The following PCDHGB3 variants were observed in gnomAD, a reference collection of about 807,000 sequenced individuals.
The protein encoded by PCDHGB3 is protocadherin gamma subfamily B, 3.
A neutral mutation model predicts 59.2 loss-of-function variants in PCDHGB3; 40 were observed. The ratio of observed to expected loss-of-function variants is 0.68; its 90% confidence interval spans 0.52 to 0.88. The LOEUF (loss-of-function observed/expected upper bound fraction) is 0.88. Among genes scored for constraint, PCDHGB3 ranks in the 40% least tolerant of loss-of-function variants. The pLI is 0.00. For synonymous variants in PCDHGB3, 581 were observed against 503.6 expected (o/e 1.15, Z -2.06); for missense variants, 1,309 against 1,187.9 (o/e 1.10, Z -1.50).
intron 1 of PCDHGB3, chr5:141,409,877 G>A: frequency 6.2e-7 from 1 of 1,612,860 alleles, no homozygotes; most frequent in Non-Finnish European, 8.5e-7. Context: ...CAATGACAAC[G>A]CACCGCGGGT....
rs2097527384 is a variant in PCDHGB3 at position 141,432,674 on chromosome 5, A to G, written c.2415+59865A>G. 2 of 1,613,856 alleles carry G rather than the reference A, an allele frequency of 1.2e-6. No homozygotes were observed. The highest frequency in any genetic ancestry group is 4.5e-5 in the East Asian group (2 of 44,840). On this transcript the variant is annotated intron_variant, in intron 1 of 3. Coordinates refer to ENST00000576222, the MANE Select transcript of PCDHGB3 (RefSeq NM_018924.5). The surrounding 1 kb of genome is among the most constrained non-coding windows in gnomAD (Gnocchi z 6.0). ...AGCCCTGCTGGACAGAGACGCGCTCAAGCAGAGCCTCGTAGTGGCCGTCCA... is the reference window on the plus strand; with the variant it reads ...AGCCCTGCTGGACAGAGACGCGCTCGAGCAGAGCCTCGTAGTGGCCGTCCA...
intron 1 of PCDHGB3, among the ~76,000 whole-genome samples, chr5:141,459,544 T>G (rs772982634): frequency 6.6e-6 from 1 of 152,246 alleles, no homozygotes; most frequent in Non-Finnish European, 1.5e-5. Flanking sequence ...TTTTTTTTAT[T>G]TCTCTTGGAT....
At chr5:141,388,568 ACACG>A in intron 1 of PCDHGB3, 1 of 1,613,888 alleles carries the variant, frequency 6.2e-7, no homozygotes, top group Non-Finnish European at 8.5e-7. Context: ...CTGCACAGAT[ACACG>A]TTCTAGTGAC....
At chr5:141,464,024 G>A (rs2099074308) in intron 1 of PCDHGB3, among the ~76,000 whole-genome samples, 1 of 151,996 alleles carries the variant, frequency 6.6e-6, no homozygotes, top group East Asian at 1.9e-4. Context: ...CCACACTTTG[G>A]GAGGCCAAGG....
chr5:141,378,596 C>T (rs866872764), intron 1 of PCDHGB3: 2 of 152,150 alleles, frequency 1.3e-5, no homozygotes, highest in Non-Finnish European at 2.9e-5. Context: ...TGTCTGCTTA[C>T]AGGACATATC....
Position 141,431,962 on chromosome 5 carries a change from C to G in PCDHGB3, c.2415+59153C>G. 1.2e-6 allele frequency: 2 copies of G among 1,614,190 alleles called. No homozygotes were observed. Among genetic ancestry groups the G allele is most frequent in the South Asian group, 2.2e-5 (2 of 91,086 alleles). ...AATTAGAAAAATCTTACGGAAATTACTATAGTTTAGTCACAGACATAGTCT... is the reference window on the plus strand; with the variant it reads ...AATTAGAAAAATCTTACGGAAATTAGTATAGTTTAGTCACAGACATAGTCT... On this transcript the variant is annotated intron_variant, in intron 1 of 3. Transcript: ENST00000576222. The surrounding 1 kb of genome is among the most constrained non-coding windows in gnomAD (Gnocchi z 4.8).
rs2099396190 is a variant in PCDHGB3 at position 141,476,685 on chromosome 5, G to A, written c.2416-18122G>A. On this transcript the variant is annotated intron_variant, in intron 1 of 3. Coordinates refer to ENST00000576222, the MANE Select transcript of PCDHGB3 (RefSeq NM_018924.5). This position sits in a 1 kb window ranked among gnomAD's most constrained non-coding sequence, Gnocchi z 7.6. ...CTTCGCGTGCAGACGCGGGAGGACA[G>A]CACCAAGTACGCGGAGCTGGTGTTG... 3.1e-6 allele frequency: 5 copies of A among 1,614,102 alleles called. No homozygotes were observed.
chr5:141,376,559 C>G (rs758448085), intron 1 of PCDHGB3: 8 of 1,609,380 alleles, frequency 5.0e-6, no homozygotes, highest in Admixed American at 3.4e-5. Context: ...TCCCGCAACC[C>G]AACTAATCAG....
At chr5:141,419,656 G>A (rs1374057056) in intron 1 of PCDHGB3, 15 of 1,612,528 alleles carry the variant, frequency 9.3e-6, no homozygotes, top group Non-Finnish European at 8.5e-6. Context: ...CGGACTCGGG[G>A]CACAATGCCT....
At position 141,389,758 on chromosome 5, in the gene PCDHGB3, G is replaced by T. The variant is rs201153580; in HGVS notation, c.2415+16949G>T. On this transcript the variant is annotated intron_variant, in intron 1 of 3. Transcript: ENST00000576222. Reference sequence around the variant, plus strand: ...CTGGGGCTGCGCACGGGCGAAGTGCGCACAGCGCGTGCCTTAGGCGACAGG... The same window carrying T: ...CTGGGGCTGCGCACGGGCGAAGTGCTCACAGCGCGTGCCTTAGGCGACAGG... The T allele has an allele frequency of 1.4e-4, 224 of 1,612,792 alleles. No homozygotes were observed. The African/African-American group carries it at 2.7e-3, about 19-fold the overall frequency.
intron 1 of PCDHGB3, among the ~76,000 whole-genome samples, chr5:141,453,643 T>G (rs1267570786): frequency 2.6e-5 from 4 of 152,240 alleles, no homozygotes; most frequent in Non-Finnish European, 5.9e-5. Flanking sequence ...TATATTTTCT[T>G]ATGTCCTCTT....
chr5:141,400,590 T>A, intron 1 of PCDHGB3: 3 of 1,604,846 alleles, frequency 1.9e-6, no homozygotes, highest in Non-Finnish European at 2.6e-6. Context: ...CATGAAACTA[T>A]CGTACATTTT....
intron 1 of PCDHGB3, chr5:141,441,731 C>G: frequency 2.8e-6 from 1 of 362,226 alleles, no homozygotes; most frequent in South Asian, 2.2e-5. Context: ...GCGACCAGGA[C>G]TAGCTCGCGC....
chr5:141,372,311 C>T lies in PCDHGB3; in HGVS notation c.1917C>T (p.Arg639=), dbSNP rs1768644192. The T allele has an allele frequency of 1.2e-6, 2 of 1,613,416 alleles. No homozygotes were observed. The highest frequency in any genetic ancestry group is 2.2e-5 in the South Asian group (2 of 91,096). Residue 639 remains arginine (R), a synonymous_variant, in exon 1 of 4, where the codon CGC becomes CGT. Coordinates refer to ENST00000576222, the MANE Select transcript of PCDHGB3 (RefSeq NM_018924.5). ...ARTLGDREAA[R]QRLLVTVRDG... ...CCTTGGGCGACAGGGAGGCCGCCCG[C>T]CAGCGCCTGCTGGTCACTGTGCGTG...
At chr5:141,492,954 A>G (rs2099745299) in intron 1 of PCDHGB3, among the ~76,000 whole-genome samples, 1 of 152,212 alleles carries the variant, frequency 6.6e-6, no homozygotes, top group Non-Finnish European at 1.5e-5. Context: ...TGACCAAACT[A>G]TCTGACACTC....
chr5:141,376,437 A>C (rs375879976), intron 1 of PCDHGB3: 1 of 1,614,086 alleles, frequency 6.2e-7, no homozygotes, highest in South Asian at 1.1e-5. Flanking sequence ...CAGGAGAGCT[A>C]TGAGAAAAGC....
rs772962568 is a variant in PCDHGB3, at chr5:141,476,311, G to A, written c.2416-18496G>A. The stretch of plus-strand genomic sequence containing the variant: ...ATCTCGGTAGCCTCTCAGCCCGCAG[G>A]TTCCGGGTGGTGTCTGGAGCTAGCC... On this transcript the variant is annotated intron_variant, in intron 1 of 3. Transcript: ENST00000576222. The surrounding 1 kb of genome is among the most constrained non-coding windows in gnomAD (Gnocchi z 7.6). 13 of 1,613,680 alleles carry A rather than the reference G, an allele frequency of 8.1e-6. No individual in the cohort carries two copies. The African/African-American group carries it at 1.5e-4, about 18-fold the overall frequency.
intron 1 of PCDHGB3, among the ~76,000 whole-genome samples, chr5:141,469,212 G>A (rs114294512): frequency 0.021 from 3,174 of 151,360 alleles, 54 homozygotes; most frequent in Non-Finnish European, 0.032. Flanking sequence ...TTGAAGTTGA[G>A]GCTTCAGTGA....
rs2099748179 is a variant in PCDHGB3 at position 141,493,421 on chromosome 5, T to G, written c.2416-1386T>G. Among the ~76,000 whole-genome samples the G allele has an allele frequency of 6.6e-6, 1 of 152,182 alleles. No individual in the cohort carries two copies. Among genetic ancestry groups the G allele is most frequent in the South Asian group, 2.1e-4 (1 of 4,830 alleles). On this transcript the variant is annotated intron_variant, in intron 1 of 3. Coordinates refer to ENST00000576222, the MANE Select transcript of PCDHGB3 (RefSeq NM_018924.5). The surrounding 1 kb of genome is among the most constrained non-coding windows in gnomAD (Gnocchi z 4.3). Reference sequence around the variant, plus strand: ...GGAGTTGCCTCTGCTGGGATTTTGCTTCTGCTGGGATGGGGCAAGGGTGGG... The same window carrying G: ...GGAGTTGCCTCTGCTGGGATTTTGCGTCTGCTGGGATGGGGCAAGGGTGGG...
Sources: gnomAD v4.1 joint callset for allele counts (sites outside exome capture counted in the v4.1 genomes callset) on GRCh38, gnomAD v4.1.1 for gene constraint, Gnocchi (gnomAD v3.1) non-coding constraint, MANE v1.5 for transcripts, NCBI Gene and HGNC (gene_info 2026-07-23, HGNC 2026-07-21) for gene names.